ITPKB: variants seen among roughly 807,000 people sequenced by gnomAD.
ITPKB encodes the protein inositol-trisphosphate 3-kinase B, also known as IP3 3-kinase B.
In ITPKB, 13 loss-of-function variants were observed where a neutral mutation model predicts 69.4. That is an observed-to-expected ratio of 0.19 (90% CI 0.12 to 0.30). The LOEUF is 0.30. Among genes scored for constraint, ITPKB ranks in the 10% least tolerant of loss-of-function variants. The pLI, the probability that ITPKB is intolerant of heterozygous loss-of-function variation, is 1.00. For missense variants in ITPKB, 1,240 were observed against 1,250.5 expected (o/e 0.99, Z 0.13); for synonymous variants, 584 against 513.7 (o/e 1.14, Z -1.85).
At chr1:226,658,039 C>T (rs1053974514) in intron 2 of ITPKB, among the ~76,000 whole-genome samples, 4 of 152,226 alleles carry the variant, frequency 2.6e-5, no homozygotes, top group Non-Finnish European at 4.4e-5. Context: ...GGATGAAGAA[C>T]GCCCCTGCCA....
chr1:226,665,599 T>C (rs1669483461), intron 2 of ITPKB, among the ~76,000 whole-genome samples: 1 of 151,916 alleles, frequency 6.6e-6, no homozygotes, highest in South Asian at 2.1e-4. Context: ...AAACGACAGA[T>C]CACACAAAAG....
At chr1:226,650,436 T>C (rs1233387730) in intron 2 of ITPKB, among the ~76,000 whole-genome samples, 1 of 152,216 alleles carries the variant, frequency 6.6e-6, no homozygotes, top group Non-Finnish European at 1.5e-5. Context: ...CCTAGATCCT[T>C]CTGATGGAGA....
chr1:226,718,331 A>G (rs1335627848), intron 2 of ITPKB, among the ~76,000 whole-genome samples: 1 of 151,874 alleles, frequency 6.6e-6, no homozygotes, highest in Non-Finnish European at 1.5e-5. Context: ...TAAAACTGCA[A>G]TGAAGGCTGG....
intron 2 of ITPKB, among the ~76,000 whole-genome samples, chr1:226,668,511 T>C (rs575888951): frequency 6.6e-6 from 1 of 152,234 alleles, no homozygotes; most frequent in Non-Finnish European, 1.5e-5. Context: ...CATCCTCTCA[T>C]TCTACCAGAC....
intron 2 of ITPKB, among the ~76,000 whole-genome samples, chr1:226,686,790 A>G (rs1656225602): frequency 6.6e-6 from 1 of 152,260 alleles, no homozygotes; most frequent in Non-Finnish European, 1.5e-5. Flanking sequence ...GTTTTTCCTA[A>G]GGCTTGTCCT....
At chr1:226,707,913 T>A (rs773013416) in intron 2 of ITPKB, 44 of 1,333,410 alleles carry the variant, frequency 3.3e-5, no homozygotes, top group Non-Finnish European at 3.5e-5. Context: ...TCCCAAGAAG[T>A]CACTAAAGGG....
chr1:226,718,411 C>T (rs1343200077), intron 2 of ITPKB, among the ~76,000 whole-genome samples: 3 of 151,928 alleles, frequency 2.0e-5, no homozygotes, highest in Non-Finnish European at 4.4e-5. Context: ...CTTGGCGACA[C>T]AGCAAGACCC....
intron 2 of ITPKB, among the ~76,000 whole-genome samples, chr1:226,693,909 T>C (rs970384172): frequency 6.6e-6 from 1 of 152,232 alleles, no homozygotes; most frequent in African/African-American, 2.4e-5. Context: ...ACAGCACACC[T>C]TGTCTTCAAG....
intron 4 of ITPKB, 33 bp downstream of exon 4, chr1:226,647,134 G>A (rs370883286): frequency 1.1e-5 from 18 of 1,594,936 alleles, no homozygotes; most frequent in Non-Finnish European, 1.5e-5. Flanking sequence ...TTGCACTGAG[G>A]CAGGCATGTG....
At chr1:226,654,009 G>C (rs1272971885) in intron 2 of ITPKB, among the ~76,000 whole-genome samples, 3 of 152,206 alleles carry the variant, frequency 2.0e-5, no homozygotes, top group African/African-American at 7.2e-5. Flanking sequence ...CAGAAGCGCA[G>C]GGAAAGATGG....
At chr1:226,698,708 C>G (rs1243930492) in intron 2 of ITPKB, among the ~76,000 whole-genome samples, 1 of 152,228 alleles carries the variant, frequency 6.6e-6, no homozygotes, top group African/African-American at 2.4e-5. Flanking sequence ...AAAGCAGCAT[C>G]CCAGATGGGG....
intron 7 of ITPKB, among the ~76,000 whole-genome samples, chr1:226,636,363 C>G (rs919642630): frequency 1.3e-5 from 2 of 152,242 alleles, no homozygotes; most frequent in African/African-American, 4.8e-5. Flanking sequence ...CTGCTAGGGG[C>G]ACAGCAAAGC....
intron 2 of ITPKB, among the ~76,000 whole-genome samples, chr1:226,671,796 A>T (rs946690565): frequency 2.0e-5 from 3 of 152,332 alleles, no homozygotes; most frequent in Admixed American, 6.5e-5. Context: ...GCTTTGAGAC[A>T]GGTGTGTGGG....
chr1:226,736,840 C>G lies in ITPKB; in HGVS notation c.619G>C (p.Glu207Gln), dbSNP rs1198234553. The G allele has an allele frequency of 1.9e-6, 3 of 1,612,232 alleles. No homozygotes were observed. The highest frequency in any genetic ancestry group is 2.5e-6 in the Non-Finnish European group (3 of 1,180,024). The change falls in exon 2 of 8, where the codon GAG (glutamate) becomes CAG (glutamine). Residue 207 changes from glutamate (E) to glutamine (Q), a missense_variant. Transcript: ENST00000429204. ...SEERRTKSWG[E>Q]QCPETSGTDS... ...GTTCCTGAAGTCTCTGGACATTGCT[C>G]CCCCCAGGACTTTGTCCTCCGTTCC...
chr1:226,632,809 C>T lies in ITPKB; in HGVS notation c.*1862G>A, dbSNP rs1382914809. 6.6e-6 allele frequency: 1 copy of T among 152,658 alleles called. No homozygotes were observed. Among genetic ancestry groups the T allele is most frequent in the Non-Finnish European group, 1.5e-5 (1 of 68,040 alleles). The allele number at this position is 152,658 out of a possible 1,614,324, so 9.5% of individuals were successfully genotyped here. A position where few individuals can be genotyped will look rare whatever the true frequency, so the allele number is the denominator to read the frequency against. ...TCTTTCACAGATGGAGTAAGGATAA[C>T]TTTTGGCCAGTCCATATTCATAGAA... is the stretch of plus-strand genomic sequence containing the variant. On this transcript the variant is annotated 3_prime_UTR_variant, in exon 8 of 8. Transcript: ENST00000429204.
intron 2 of ITPKB, among the ~76,000 whole-genome samples, chr1:226,711,440 A>AGT (rs1317310111): frequency 8.4e-4 from 80 of 95,540 alleles, no homozygotes; most frequent in East Asian, 5.8e-3. Context: ...AGAGAGAGAG[A>AGT]GAGTGTGTGT....
intron 2 of ITPKB, among the ~76,000 whole-genome samples, chr1:226,722,338 C>A (rs980876505): frequency 6.6e-6 from 1 of 152,174 alleles, no homozygotes. Flanking sequence ...TGGTGACTGA[C>A]CAGAAAATCT....
chr1:226,664,866 G>A (rs1669467693), intron 2 of ITPKB, among the ~76,000 whole-genome samples: 1 of 152,220 alleles, frequency 6.6e-6, no homozygotes, highest in Non-Finnish European at 1.5e-5. Flanking sequence ...TGTGTGGCCA[G>A]CACGACGCAA....
chr1:226,738,094 C>T lies in ITPKB; in HGVS notation c.-205-431G>A, dbSNP rs1411975219. Among the ~76,000 whole-genome samples, 1 of 152,134 alleles carries T rather than the reference C, an allele frequency of 6.6e-6. No individual in the cohort carries two copies. The highest frequency in any genetic ancestry group is 1.9e-4 in the East Asian group (1 of 5,168). ...CAAACATTGGCTATCCAGGGCAACCCGGCAGCCCTCGCCCTGGGCTTCAGG... is the reference window on the plus strand; with the variant it reads ...CAAACATTGGCTATCCAGGGCAACCTGGCAGCCCTCGCCCTGGGCTTCAGG... On this transcript the variant is annotated intron_variant, in intron 1 of 7. Coordinates refer to ENST00000429204, the MANE Select transcript of ITPKB (RefSeq NM_002221.4). The surrounding 1 kb of genome is among the most constrained non-coding windows in gnomAD (Gnocchi z 4.2).
Sources: allele counts gnomAD v4.1 joint callset (sites outside exome capture counted in the v4.1 genomes callset), GRCh38; gene constraint gnomAD v4.1.1; non-coding constraint Gnocchi (gnomAD v3.1); transcripts MANE v1.5; gene names NCBI Gene and HGNC (gene_info 2026-07-23, HGNC 2026-07-21).